Variants in RALGPS1 observed in about 807,000 individuals in gnomAD.
RALGPS1 encodes ras-specific guanine nucleotide-releasing factor RalGPS1.
RALGPS1 carries 19 observed loss-of-function variants against 78.8 expected under a neutral mutation model. The observed-to-expected ratio is 0.24, with a 90% CI of 0.17 to 0.35. The LOEUF (loss-of-function observed/expected upper bound fraction) is 0.35. Among genes scored for constraint, RALGPS1 ranks in the 10% least tolerant of loss-of-function variants. The probability of loss-of-function intolerance (pLI) is 1.00; values close to 1 mark genes in which losing one functional copy is unlikely to be tolerated. For missense variants in RALGPS1, 454 were observed against 688.3 expected, an observed-to-expected ratio of 0.66 and a Z score of 3.81; for synonymous variants, 228 against 256.3, an observed-to-expected ratio of 0.89 and a Z score of 1.06.
chr9:126,921,756 C>G (rs772560944), intron 1 of RALGPS1, among the ~76,000 whole-genome samples: 2 of 152,256 alleles, frequency 1.3e-5, no homozygotes, highest in South Asian at 4.1e-4. Flanking sequence ...TGAGATAGTA[C>G]GCGCCTTTGT....
intron 4 of RALGPS1, among the ~76,000 whole-genome samples, chr9:127,032,017 C>T (rs764698858): frequency 3.9e-5 from 6 of 152,134 alleles, no homozygotes; most frequent in East Asian, 1.9e-4. Flanking sequence ...AAAAAGAAGA[C>T]GTTTGGCGTT....
chr9:127,003,525 A>T (rs1054405826), intron 4 of RALGPS1, among the ~76,000 whole-genome samples: 1 of 152,190 alleles, frequency 6.6e-6, no homozygotes, highest in Non-Finnish European at 1.5e-5. Context: ...CACCAGTTAG[A>T]ATGGCAATCG....
At chr9:127,001,465 C>G (rs1313621791) in intron 4 of RALGPS1, among the ~76,000 whole-genome samples, 1 of 151,978 alleles carries the variant, frequency 6.6e-6, no homozygotes, top group Non-Finnish European at 1.5e-5. Flanking sequence ...ATATTTTAAA[C>G]TTATAGTCTA....
intron 14 of RALGPS1, among the ~76,000 whole-genome samples, chr9:127,204,426 G>A (rs1010590789): frequency 1.3e-5 from 2 of 152,144 alleles, no homozygotes; most frequent in Admixed American, 1.3e-4. Flanking sequence ...AGCCTGAGTT[G>A]GAGACTTTTA....
chr9:126,943,169 T>C (rs1364102291), intron 1 of RALGPS1, among the ~76,000 whole-genome samples: 1 of 152,132 alleles, frequency 6.6e-6, no homozygotes, highest in Non-Finnish European at 1.5e-5. Context: ...GATGGAGTCT[T>C]ACTCACTCTG....
rs1022648585 is a variant in RALGPS1 at position 127,221,096 on chromosome 9, G to A, written c.*2327G>A. 1 of 152,286 alleles carries A rather than the reference G, an allele frequency of 6.6e-6. No individual in the cohort carries two copies. Among genetic ancestry groups the A allele is most frequent in the African/African-American group, 2.4e-5 (1 of 41,454 alleles). 9.4% of individuals were successfully genotyped at this position (152,286 alleles called of 1,614,324 possible). A position where few individuals can be genotyped will look rare whatever the true frequency, so the allele number is the denominator to read the frequency against. ...AGTAAGAGGCTTGACCACGCCGGAA[G>A]AGTCCTGGAGCTAAAGCTGGAAGAC... On this transcript the variant is annotated 3_prime_UTR_variant, in exon 19 of 19. Transcript: ENST00000259351.
At position 127,212,707 on chromosome 9, in the gene RALGPS1, A is replaced by C. The variant is rs772791107; in HGVS notation, c.1434A>C (p.Thr478=). 10 of 1,611,888 alleles carry C rather than the reference A, an allele frequency of 6.2e-6. No homozygotes were observed. The highest frequency in any genetic ancestry group is 8.5e-6 in the Non-Finnish European group (10 of 1,178,202). Residue 478 remains threonine, a synonymous_variant, in exon 16 of 19, where the codon ACA becomes ACC. Coordinates refer to ENST00000259351, the MANE Select transcript of RALGPS1 (RefSeq NM_014636.3). This position sits in a 1 kb window ranked among gnomAD's most constrained non-coding sequence, Gnocchi z 6.0. ...LYYGAKSLRG[T]DRKHYKSTPG... is the part of the protein sequence containing the mutation. ...ACGGAGCCAAGTCCTTGCGGGGCAC[A>C]GACAGAAAACACGTAAGTCCCTTGA... is the stretch of plus-strand genomic sequence containing the variant.
chr9:127,080,054 AGGTGG>A (rs2136113099), intron 8 of RALGPS1, among the ~76,000 whole-genome samples: 1 of 152,272 alleles, frequency 6.6e-6, no homozygotes, highest in East Asian at 1.9e-4. Context: ...GCTAGTTTTG[AGGTGG>A]GGGGATTCGA....
intron 8 of RALGPS1, among the ~76,000 whole-genome samples, chr9:127,159,208 A>C (rs997779639): frequency 6.6e-6 from 1 of 152,140 alleles, no homozygotes; most frequent in Non-Finnish European, 1.5e-5. Context: ...AGTGCACGCT[A>C]TGCCATCCAT....
chr9:126,960,219 C>CCCTCTCTT (rs1554765760), intron 1 of RALGPS1, among the ~76,000 whole-genome samples: 1,002 of 85,762 alleles, frequency 0.012, 34 homozygotes, highest in African/African-American at 0.041. Flanking sequence ...CTCCCTCCCT[C>CCCTCTCTT]CCTTCCTTCC....
At chr9:127,171,000 G>A (rs2059540135) in intron 10 of RALGPS1, among the ~76,000 whole-genome samples, 1 of 152,202 alleles carries the variant, frequency 6.6e-6, no homozygotes, top group Non-Finnish European at 1.5e-5. Context: ...CTGGAGGCTG[G>A]CTCCTCACCC....
At chr9:126,958,370 C>T (rs535794456) in intron 1 of RALGPS1, among the ~76,000 whole-genome samples, 8 of 152,116 alleles carry the variant, frequency 5.3e-5, no homozygotes, top group South Asian at 2.1e-4. Context: ...ACTGCCACCA[C>T]GATCCAGTTT....
chr9:127,107,967 C>T (rs2054385874), intron 8 of RALGPS1: 2 of 1,568,552 alleles, frequency 1.3e-6, no homozygotes, highest in Non-Finnish European at 1.7e-6. Context: ...GCATAGTGGG[C>T]AGAGGGGGTG....
chr9:126,946,486 G>A (rs777675), intron 1 of RALGPS1, among the ~76,000 whole-genome samples: 29,779 of 144,384 alleles, frequency 0.21, 3,683 homozygotes, highest in East Asian at 0.45. Flanking sequence ...GTGAGCTGAG[G>A]TTGCGCCACT....
chr9:127,096,421 G>A (rs991077898), intron 8 of RALGPS1, among the ~76,000 whole-genome samples: 3 of 152,186 alleles, frequency 2.0e-5, no homozygotes, highest in Non-Finnish European at 4.4e-5. Flanking sequence ...CGCCCACTGA[G>A]AGCGAGCAGC....
chr9:127,196,481 T>G lies in RALGPS1; in HGVS notation c.1045T>G (p.Cys349Gly), dbSNP rs779206964. 3.1e-6 allele frequency: 5 copies of G among 1,612,074 alleles called. No individual in the cohort carries two copies. Among genetic ancestry groups the G allele is most frequent in the South Asian group, 1.1e-5 (1 of 90,824 alleles). Reference protein sequence around the residue: ...KSHSLGNNMMCQLSVVESKSA... With the variant: ...KSHSLGNNMMGQLSVVESKSA... ...TTCCTTTCCATTTTCCAGTATGATG[T>G]GTCAGTTGAGTGTAGTTGAGAGTAA... is the stretch of plus-strand genomic sequence containing the variant. The change falls in exon 13 of 19, where the codon TGT becomes GGT. Residue 349 changes from cysteine (C) to glycine (G), a missense_variant. Coordinates refer to ENST00000259351, the MANE Select transcript of RALGPS1 (RefSeq NM_014636.3).
In RALGPS1 at chr9:127,211,828, G is replaced by C. The variant is rs1457046768; in HGVS notation, c.1248-303G>C. 6.6e-6 allele frequency among the ~76,000 whole-genome samples: 1 copy of C among 152,158 alleles called. No individual in the cohort carries two copies. Among genetic ancestry groups the C allele is most frequent in the Non-Finnish European group, 1.5e-5 (1 of 68,020 alleles). The stretch of plus-strand genomic sequence containing the variant: ...CACGCCAGCCCCAGGGAGCGGCCAG[G>C]CTGTAGCCGTGACAAAAGCATCCCT... On this transcript the variant is annotated intron_variant, in intron 14 of 18. Coordinates refer to ENST00000259351, the MANE Select transcript of RALGPS1 (RefSeq NM_014636.3). The surrounding 1 kb of genome is among the most constrained non-coding windows in gnomAD (Gnocchi z 5.0).
intron 3 of RALGPS1, among the ~76,000 whole-genome samples, chr9:126,975,597 A>C (rs2040530972): frequency 6.6e-6 from 1 of 152,144 alleles, no homozygotes; most frequent in Non-Finnish European, 1.5e-5. Context: ...GGCAGACTTA[A>C]TCCAAATATG....
chr9:127,002,305 T>C (rs1291863520), intron 4 of RALGPS1, among the ~76,000 whole-genome samples: 1 of 152,196 alleles, frequency 6.6e-6, no homozygotes, highest in Non-Finnish European at 1.5e-5. Flanking sequence ...AGTTTTTTTC[T>C]TTCTCATTTT....
Sources: allele counts gnomAD v4.1 joint callset (sites outside exome capture counted in the v4.1 genomes callset), GRCh38; gene constraint gnomAD v4.1.1; non-coding constraint Gnocchi (gnomAD v3.1); transcripts MANE v1.5; gene names NCBI Gene and HGNC (gene_info 2026-07-23, HGNC 2026-07-21).